The following LRRK2 variants were observed in gnomAD, a reference collection of about 807,000 sequenced individuals.
The protein encoded by LRRK2 is leucine rich repeat kinase 2.
A neutral mutation model predicts 302.6 loss-of-function variants in LRRK2; 203 were observed. That is an observed-to-expected ratio of 0.67 (90% CI 0.60 to 0.75). The LOEUF (loss-of-function observed/expected upper bound fraction) is 0.75. LRRK2 is among the 30% of genes least tolerant of loss of function. The probability of loss-of-function intolerance (pLI) is 0.00; values close to 1 mark genes in which losing one functional copy is unlikely to be tolerated. For synonymous variants in LRRK2, 1,066 were observed against 1,031.9 expected, an observed-to-expected ratio of 1.03 and a Z score of -0.63; for missense variants, 2,830 against 2,951.0, an observed-to-expected ratio of 0.96 and a Z score of 0.95.
chr12:40,225,574 C>T lies in LRRK2; in HGVS notation c.171C>T (p.Gly57=). The T allele has an allele frequency of 1.2e-6, 2 of 1,614,092 alleles. No homozygotes were observed. Among genetic ancestry groups the T allele is most frequent in the Non-Finnish European group, 1.7e-6 (2 of 1,179,970 alleles). The change falls in exon 2 of 51, where the codon GGC becomes GGT. Residue 57 remains glycine, a synonymous_variant. Coordinates refer to ENST00000298910, the MANE Select transcript of LRRK2 (RefSeq NM_198578.4). ...TTCCAGCCTCCAAGTTATTTCAAGG[C>T]AAAAATATCCATGTGCCTCTGTTGA... ...YSERASKLFQ[G]KNIHVPLLIV... is the part of the protein sequence containing the mutation.
At chr12:40,226,536 A>G (rs1394899679) in intron 2 of LRRK2, among the ~76,000 whole-genome samples, 2 of 152,154 alleles carry the variant, frequency 1.3e-5, no homozygotes, top group Non-Finnish European at 2.9e-5. Flanking sequence ...GTGTGGGTCT[A>G]TCTTTATCTT....
chr12:40,336,426 A>T (rs973522429), intron 40 of LRRK2, among the ~76,000 whole-genome samples: 1 of 152,090 alleles, frequency 6.6e-6, no homozygotes, highest in African/African-American at 2.4e-5. Flanking sequence ...TTGCCATCAG[A>T]ATCTAAGTAC....
At position 40,322,036 on chromosome 12, in the gene LRRK2, ACGAGCACTT is replaced by A; in HGVS notation, c.5175_5183del (p.Ala1726_Arg1728del). 1 of 1,613,200 alleles carries A rather than the reference ACGAGCACTT, an allele frequency of 6.2e-7. No individual in the cohort carries two copies. The highest frequency in any genetic ancestry group is 1.1e-5 in the South Asian group (1 of 91,062). ...ATAATTAATGGCTCCATTTTTTAGA[ACGAGCACTT>A]CGCCCAAACAGAATGTATTGGCGAC... On this transcript the variant is annotated inframe_deletion and splice_region_variant, in exon 36 of 51. Transcript: ENST00000298910.
chr12:40,339,133 T>A (rs1945960562), intron 40 of LRRK2, among the ~76,000 whole-genome samples: 1 of 152,204 alleles, frequency 6.6e-6, no homozygotes, highest in African/African-American at 2.4e-5. Context: ...TCGTTGCTGC[T>A]CTGCTTCTAA....
At chr12:40,339,982 C>A (rs1349563916) in intron 40 of LRRK2, among the ~76,000 whole-genome samples, 1 of 152,048 alleles carries the variant, frequency 6.6e-6, no homozygotes, top group East Asian at 1.9e-4. Context: ...TTCAGAATTG[C>A]CTTTAAGTAA....
At position 40,238,056 on chromosome 12, in the gene LRRK2, A is replaced by G. The variant is rs1178374795; in HGVS notation, c.524A>G (p.Glu175Gly). The change falls in exon 5 of 51, where the codon GAA becomes GGA. Residue 175 changes from glutamate (E) to glycine (G), a missense_variant. Around this residue, in one of 3 missense-constraint regions of LRRK2, gnomAD observed 2,121 missense variants for 2,148.0 expected, o/e 0.99. Coordinates refer to ENST00000298910, the MANE Select transcript of LRRK2 (RefSeq NM_198578.4). ...DAMHSFPAND[E>G]VQKLGCKALH... ...ATGCACTCATTTCCAGCCAATGATG[A>G]AGTCCAGAAACTTGGATGCAAAGCT... 2.5e-6 allele frequency: 4 copies of G among 1,613,656 alleles called. No individual in the cohort carries two copies. The highest frequency in any genetic ancestry group is 3.4e-6 in the Non-Finnish European group (4 of 1,179,790).
intron 39 of LRRK2, among the ~76,000 whole-genome samples, chr12:40,330,624 C>T (rs979932593): frequency 6.6e-6 from 1 of 152,002 alleles, no homozygotes; most frequent in African/African-American, 2.4e-5. Flanking sequence ...TTTTTATTGA[C>T]AACTACTATG....
intron 26 of LRRK2, among the ~76,000 whole-genome samples, chr12:40,303,099 A>G (rs1023694999): frequency 6.6e-6 from 1 of 152,172 alleles, no homozygotes; most frequent in East Asian, 1.9e-4. Context: ...TGTAAAAACA[A>G]CTTAAGATTG....
rs1944247293 is a variant in LRRK2 at position 40,293,577 on chromosome 12, T to C, written c.2722T>C (p.Ser908Pro). 6.2e-7 allele frequency: 1 copy of C among 1,610,636 alleles called. No homozygotes were observed. Among genetic ancestry groups the C allele is most frequent in the Non-Finnish European group, 8.5e-7 (1 of 1,177,672 alleles). ...AGGCTCATTTCTTGTGAAAAAGAAA[T>C]CTAATTCAATTAGTGTAGGAGAATT... Reference protein sequence around the residue: ...SEGSFLVKKKSNSISVGEFYR... With the variant: ...SEGSFLVKKKPNSISVGEFYR... Residue 908 changes from serine (S) to proline (P), a missense_variant, in exon 21 of 51, where the codon TCT becomes CCT. Coordinates refer to ENST00000298910, the MANE Select transcript of LRRK2 (RefSeq NM_198578.4).
chr12:40,361,874 C>G (rs937752687), intron 47 of LRRK2, among the ~76,000 whole-genome samples: 4 of 152,036 alleles, frequency 2.6e-5, no homozygotes, highest in African/African-American at 9.7e-5. Context: ...TACACACCGA[C>G]TGAGAGGCAT....
intron 7 of LRRK2, among the ~76,000 whole-genome samples, chr12:40,248,239 G>A (rs1399894411): frequency 6.6e-6 from 1 of 152,150 alleles, no homozygotes; most frequent in African/African-American, 2.4e-5. Flanking sequence ...ATTAAAATGT[G>A]AATTCACCTT....
At chr12:40,332,424 G>A (rs1945738529) in intron 39 of LRRK2, among the ~76,000 whole-genome samples, 1 of 152,190 alleles carries the variant, frequency 6.6e-6, no homozygotes, top group Non-Finnish European at 1.5e-5. Context: ...GAAACAGGGT[G>A]AGAGAGGAAG....
intron 3 of LRRK2, 140 bp downstream of exon 3, chr12:40,232,523 A>C (rs954573542): frequency 1.0e-5 from 7 of 693,338 alleles, no homozygotes; most frequent in African/African-American, 3.6e-5. Context: ...TCCTTGAGTC[A>C]ATGATTTACA....
chr12:40,248,693 A>G (rs1463967655), intron 7 of LRRK2, among the ~76,000 whole-genome samples: 1 of 152,214 alleles, frequency 6.6e-6, no homozygotes, highest in Non-Finnish European at 1.5e-5. Flanking sequence ...ATAATTTGCT[A>G]CGTATTTTCA....
At chr12:40,252,422 T>C (rs1337684365) in intron 10 of LRRK2, among the ~76,000 whole-genome samples, 2 of 152,214 alleles carry the variant, frequency 1.3e-5, no homozygotes, top group Non-Finnish European at 2.9e-5. Context: ...TGAGCAAGGC[T>C]TTTGGAGATT....
chr12:40,342,950 C>T (rs1946090615), intron 41 of LRRK2, among the ~76,000 whole-genome samples: 3 of 152,154 alleles, frequency 2.0e-5, no homozygotes, highest in Admixed American at 2.0e-4. Context: ...AGTTAAGTAT[C>T]TCAATCCTTA....
chr12:40,288,325 C>T (rs1303332225), intron 20 of LRRK2, among the ~76,000 whole-genome samples: 1 of 151,734 alleles, frequency 6.6e-6, no homozygotes, highest in East Asian at 1.9e-4. Flanking sequence ...TGAAAATTAA[C>T]ATATTCATGT....
intron 22 of LRRK2, 139 bp downstream of exon 22, chr12:40,295,053 T>C: frequency 1.6e-6 from 1 of 611,926 alleles, no homozygotes; most frequent in South Asian, 2.1e-5. Context: ...ACCTAATGAT[T>C]CCTTCCATAA....
rs200128584 is a variant in LRRK2, at chr12:40,368,551, T to C, written c.*786T>C. The C allele has an allele frequency of 6.6e-6, 1 of 151,870 alleles. No individual in the cohort carries two copies. The highest frequency in any genetic ancestry group is 1.5e-5 in the Non-Finnish European group (1 of 67,750). The allele number at this position is 151,870 out of a possible 1,614,324, so 9.4% of individuals were successfully genotyped here. ...TGTATAATTAGTGTAAATACAGTGT[T>C]CAGTCCTTCAAGTGATATTTTTATT... On this transcript the variant is annotated 3_prime_UTR_variant, in exon 51 of 51. Transcript: ENST00000298910.
Sources: allele counts gnomAD v4.1 joint callset (sites outside exome capture counted in the v4.1 genomes callset), GRCh38; gene constraint gnomAD v4.1.1; regional missense constraint gnomAD v4.1.1; transcripts MANE v1.5; gene names NCBI Gene and HGNC (gene_info 2026-07-23, HGNC 2026-07-21).